PXYLP1: variants seen among roughly 807,000 people sequenced by gnomAD.
The protein encoded by PXYLP1 is acid phosphatase-like 2.
Under a neutral mutation model 37.9 loss-of-function variants are expected in PXYLP1, and 17 were observed. That is an observed-to-expected ratio of 0.45 (90% CI 0.31 to 0.67). The LOEUF (loss-of-function observed/expected upper bound fraction) is 0.67, where lower values mean the gene tolerates loss of function less well. PXYLP1 is among the 30% of genes least tolerant of loss of function. The pLI, the probability that PXYLP1 is intolerant of heterozygous loss-of-function variation, is 0.07. For synonymous variants in PXYLP1, 221 were observed against 232.2 expected (o/e 0.95, Z 0.44); for missense variants, 511 against 612.0 (o/e 0.84, Z 1.74).
At position 141,279,393 on chromosome 3, in the gene PXYLP1, A is replaced by G. The variant is rs761521004; in HGVS notation, c.254A>G (p.His85Arg). The change falls in exon 4 of 6, where the codon CAT becomes CGT. Residue 85 changes from histidine to arginine, a missense_variant. Coordinates refer to ENST00000286353, the MANE Select transcript of PXYLP1 (RefSeq NM_001037172.3). ...TCTCGCGCAGGTCATGCCCCGCATC[A>G]TTTTAAGCTGGTCTCAGTGCATGTG... is the stretch of plus-strand genomic sequence containing the variant. ...ERSMEGHAPH[H>R]FKLVSVHVFI... The G allele has an allele frequency of 1.2e-6, 2 of 1,614,014 alleles. No homozygotes were observed. The highest frequency in any genetic ancestry group is 1.7e-6 in the Non-Finnish European group (2 of 1,179,968).
At chr3:141,286,447 C>T (rs958231548) in intron 4 of PXYLP1, among the ~76,000 whole-genome samples, 1 of 152,080 alleles carries the variant, frequency 6.6e-6, no homozygotes, top group Admixed American at 6.5e-5. Flanking sequence ...GGGGATTTTT[C>T]AGAGGTCAGA....
Position 141,248,497 on chromosome 3 carries a change from GTATATA to G in PXYLP1, c.-53-11615_-53-11610del, listed in dbSNP as rs72060928. 1.7e-5 allele frequency among the ~76,000 whole-genome samples: 2 copies of G among 117,462 alleles called. 1 individual carries two copies. Among genetic ancestry groups the G allele is most frequent in the African/African-American group, 9.5e-5 (2 of 21,090 alleles). 77.1% of individuals were successfully genotyped at this position (117,462 alleles called of 152,430 possible). A position where few individuals can be genotyped will look rare whatever the true frequency, so the allele number is the denominator to read the frequency against. ...AAAGGAGCAATATGTGTGCGTGTGT[GTATATA>G]TATATATATACACACACACACACGT... is the stretch of plus-strand genomic sequence containing the variant. On this transcript the variant is annotated intron_variant, in intron 1 of 5. Coordinates refer to ENST00000286353, the MANE Select transcript of PXYLP1 (RefSeq NM_001037172.3).
intron 1 of PXYLP1, among the ~76,000 whole-genome samples, chr3:141,237,960 A>G (rs566906974): frequency 3.0e-4 from 46 of 152,314 alleles, no homozygotes; most frequent in African/African-American, 1.1e-3. Flanking sequence ...AGTGGGAAGC[A>G]TGATAAGAGA....
At chr3:141,262,207 T>TA (rs1941408406) in intron 2 of PXYLP1, 2 of 876,076 alleles carry the variant, frequency 2.3e-6, no homozygotes, top group African/African-American at 3.6e-5. Flanking sequence ...TTTCTAATAG[T>TA]AAAAAGAATT....
In PXYLP1 at chr3:141,292,337, C is replaced by T. The variant is rs1322706269; in HGVS notation, c.575C>T (p.Pro192Leu). ...DIYLKKHKLL[P>L]NDWSADQLYL... Reference sequence around the variant, plus strand: ...TATCTAAAGAAACACAAACTCCTGCCCAATGATTGGTCTGCAGACCAGCTC... The same window carrying T: ...TATCTAAAGAAACACAAACTCCTGCTCAATGATTGGTCTGCAGACCAGCTC... Residue 192 changes from proline to leucine, a missense_variant, in exon 6 of 6, where the codon CCC becomes CTC. Pro to Leu is a moderately conservative substitution (Grantham distance 98, BLOSUM62 -3). Transcript: ENST00000286353. The surrounding 1 kb of genome is among the most constrained non-coding windows in gnomAD (Gnocchi z 4.3). The T allele has an allele frequency of 6.2e-7, 1 of 1,613,922 alleles. No homozygotes were observed. The highest frequency in any genetic ancestry group is 1.3e-5 in the African/African-American group (1 of 75,010).
intron 2 of PXYLP1, chr3:141,267,288 G>C (rs1002903028): frequency 6.6e-6 from 1 of 152,022 alleles, no homozygotes; most frequent in African/African-American, 2.4e-5. Context: ...GAAAAGATTT[G>C]GGGATGCAAG....
At chr3:141,259,405 T>TC (rs199910756) in intron 1 of PXYLP1, among the ~76,000 whole-genome samples, 29 of 151,372 alleles carry the variant, frequency 1.9e-4, no homozygotes, top group African/African-American at 4.4e-4. Flanking sequence ...TTTTTTTTTT[T>TC]CCCACAGAAG....
At chr3:141,281,021 G>A (rs1941941871) in intron 4 of PXYLP1, among the ~76,000 whole-genome samples, 2 of 152,162 alleles carry the variant, frequency 1.3e-5, no homozygotes, top group East Asian at 1.9e-4. Context: ...AACCCTCATA[G>A]TATTACATTT....
rs1941716635 is a variant in PXYLP1 at position 141,273,462 on chromosome 3, C to G, written c.80-4880C>G. On this transcript the variant is annotated intron_variant, in intron 2 of 5. Transcript: ENST00000286353. ...CTAGCTATAGCTATGGGAATGTTTA[C>G]TAGTAATACATACAGAGTCATCCAC... The G allele has an allele frequency of 7.1e-6, 7 of 985,066 alleles. No individual in the cohort carries two copies. In the South Asian group the frequency reaches 3.3e-4, roughly 46 times the overall value. The allele number at this position is 985,066 out of a possible 1,614,324, so 61.0% of individuals were successfully genotyped here.
At chr3:141,235,939 T>A (rs1272650607) in intron 1 of PXYLP1, among the ~76,000 whole-genome samples, 2 of 152,218 alleles carry the variant, frequency 1.3e-5, no homozygotes, top group African/African-American at 4.8e-5. Context: ...CCACTGGCTT[T>A]TGGAAAAAGT....
chr3:141,234,024 C>A (rs1297464725), intron 1 of PXYLP1, among the ~76,000 whole-genome samples: 2 of 152,152 alleles, frequency 1.3e-5, no homozygotes, highest in Admixed American at 6.5e-5. Flanking sequence ...TCCCCCCTGT[C>A]TACCACATAG....
At chr3:141,248,196 G>T (rs77805976) in intron 1 of PXYLP1, among the ~76,000 whole-genome samples, 5,558 of 151,572 alleles carry the variant, frequency 0.037, 253 homozygotes, top group East Asian at 0.2. Flanking sequence ...GTAATTTTTT[G>T]TGTGTGTGGC....
chr3:141,258,911 G>A (rs1941326169), intron 1 of PXYLP1: 1 of 152,232 alleles, frequency 6.6e-6, no homozygotes, highest in Admixed American at 6.5e-5. Context: ...GTGCAAGTGT[G>A]TTTTCATCAA....
chr3:141,294,364 A>G lies in PXYLP1; in HGVS notation c.*1159A>G, dbSNP rs1455424455. On this transcript the variant is annotated 3_prime_UTR_variant, in exon 6 of 6. Transcript: ENST00000286353. ...GATTCATTTTTAAACCATTTTCATC[A>G]GTTTCAAATGGTAAATTCTGATTGA... 3 of 152,194 alleles carry G rather than the reference A, an allele frequency of 2.0e-5. No individual in the cohort carries two copies. Among genetic ancestry groups the G allele is most frequent in the African/African-American group, 7.2e-5 (3 of 41,444 alleles). The allele number at this position is 152,194 out of a possible 1,614,324, so 9.4% of individuals were successfully genotyped here.
intron 2 of PXYLP1, chr3:141,267,725 G>C (rs1175009315): frequency 6.6e-6 from 1 of 152,100 alleles, no homozygotes; most frequent in African/African-American, 2.4e-5. Flanking sequence ...GGGAAGGTGA[G>C]AGTGTCATGT....
In PXYLP1 at chr3:141,287,324, C is replaced by T. The variant is rs1221210777; in HGVS notation, c.376C>T (p.His126Tyr). 1 of 1,614,000 alleles carries T rather than the reference C, an allele frequency of 6.2e-7. No homozygotes were observed. The highest frequency in any genetic ancestry group is 8.5e-7 in the Non-Finnish European group (1 of 1,179,978). ...CTATCATCTCTCTAGGAAACCGTAT[C>T]ACCCAAAACTGGAAGCTTTCATTAG... ...CTLVANRKPY[H>Y]PKLEAFISHM... The change falls in exon 5 of 6, where the codon CAC becomes TAC. Residue 126 changes from histidine (H) to tyrosine (Y), a missense_variant. Coordinates refer to ENST00000286353, the MANE Select transcript of PXYLP1 (RefSeq NM_001037172.3).
At position 141,292,665 on chromosome 3, in the gene PXYLP1, C is replaced by T. The variant is rs759081278; in HGVS notation, c.903C>T (p.His301=). 6.2e-7 allele frequency: 1 copy of T among 1,613,522 alleles called. No homozygotes were observed. Among genetic ancestry groups the T allele is most frequent in the Admixed American group, 1.7e-5 (1 of 59,982 alleles). The part of the protein sequence containing the change: ...AANPIDSMLC[H]FCHNVSFPCT... ...ACCCCATAGACTCCATGCTCTGCCA[C>T]TTCTGCCACAATGTCAGCTTTCCCT... is the stretch of plus-strand genomic sequence containing the variant. Residue 301 remains histidine, a synonymous_variant, in exon 6 of 6, where the codon CAC becomes CAT. Transcript: ENST00000286353. The surrounding 1 kb of genome is among the most constrained non-coding windows in gnomAD (Gnocchi z 4.3).
At position 141,237,780 on chromosome 3, in the gene PXYLP1, G is replaced by A. The variant is rs115418192; in HGVS notation, c.-54+5869G>A. On this transcript the variant is annotated intron_variant, in intron 1 of 5. Transcript: ENST00000286353. ...GTTTGTGGTGAAGGACATGAATGGCGGTGCAGATCGATTTCCAGGCACTTG... is the reference window on the plus strand; with the variant it reads ...GTTTGTGGTGAAGGACATGAATGGCAGTGCAGATCGATTTCCAGGCACTTG... Among the ~76,000 whole-genome samples, 1,108 of 152,292 alleles carry A rather than the reference G, an allele frequency of 7.3e-3. 8 individuals are homozygous for A. Among genetic ancestry groups the A allele is most frequent in the African/African-American group, 0.021 (881 of 41,566 alleles).
chr3:141,274,939 G>A (rs1941757461), intron 2 of PXYLP1, among the ~76,000 whole-genome samples: 1 of 152,330 alleles, frequency 6.6e-6, no homozygotes, highest in South Asian at 2.1e-4. Flanking sequence ...GAAACATCCT[G>A]TGGGGTGGGA....
Sources: gnomAD v4.1 joint callset for allele counts (sites outside exome capture counted in the v4.1 genomes callset) on GRCh38, gnomAD v4.1.1 for gene constraint, Gnocchi (gnomAD v3.1) non-coding constraint, MANE v1.5 for transcripts, NCBI Gene and HGNC (gene_info 2026-07-23, HGNC 2026-07-21) for gene names.